GRM4: variants seen among roughly 807,000 people sequenced by gnomAD.
GRM4 encodes metabotropic glutamate receptor 4.
In GRM4, 28 loss-of-function variants were observed where a neutral mutation model predicts 81.7. That is an observed-to-expected ratio of 0.34 (90% CI 0.25 to 0.47). GRM4 has a LOEUF of 0.47. GRM4 is among the 20% of genes least tolerant of loss of function. The pLI is 1.00. For synonymous variants in GRM4, 488 were observed against 528.8 expected (o/e 0.92, Z 1.06); for missense variants, 948 against 1,290.0 (o/e 0.73, Z 4.06).
At position 34,121,480 on chromosome 6, in the gene GRM4, CGCTCCCATTAGG is replaced by C. The variant is rs1185321442; in HGVS notation, c.519+11486_519+11497del. ...GAACGTGGCAAGTGCTACCTCTGTC[CGCTCCCATTAGG>C]GCTCCCATTAGGGCCCCGCTCTACC... is the stretch of plus-strand genomic sequence containing the variant. On this transcript the variant is annotated intron_variant, in intron 2 of 10. Transcript: ENST00000538487. The surrounding 1 kb of genome is among the most constrained non-coding windows in gnomAD (Gnocchi z 4.6). 1.1e-4 allele frequency among the ~76,000 whole-genome samples: 16 copies of C among 152,322 alleles called. No individual in the cohort carries two copies. In the South Asian group the frequency reaches 1.2e-3, roughly 12 times the overall value.
chr6:34,091,018 C>G (rs1463089308), intron 3 of GRM4, among the ~76,000 whole-genome samples: 4 of 152,104 alleles, frequency 2.6e-5, no homozygotes, highest in Non-Finnish European at 5.9e-5. Context: ...GCCCCACAGC[C>G]CCCCAGGAGC....
At chr6:34,058,824 C>G in intron 5 of GRM4, 150 bp downstream of exon 5, 1 of 652,488 alleles carries the variant, frequency 1.5e-6, no homozygotes, top group East Asian at 2.8e-5. Context: ...ACTCCCAGCC[C>G]AAAACCTCAG....
upstream of GRM4, among the ~76,000 whole-genome samples, chr6:34,150,074 A>G (rs1456999382): frequency 6.6e-6 from 1 of 152,108 alleles, no homozygotes; most frequent in Non-Finnish European, 1.5e-5. Context: ...AATTCCAAAA[A>G]AGACCTGGCC....
chr6:34,122,724 C>T lies in GRM4; in HGVS notation c.519+10254G>A, dbSNP rs1009894422. 7.3e-5 allele frequency among the ~76,000 whole-genome samples: 11 copies of T among 149,966 alleles called. No individual in the cohort carries two copies. In the East Asian group the frequency reaches 1.8e-3, roughly 24 times the overall value. On this transcript the variant is annotated intron_variant, in intron 2 of 10. Transcript: ENST00000538487. ...CAAGGCCCCGGGCTGGCGGCTTCCCCGGTTTGTCTGTCTGTCTGTCTGTCT... is the reference window on the plus strand; with the variant it reads ...CAAGGCCCCGGGCTGGCGGCTTCCCTGGTTTGTCTGTCTGTCTGTCTGTCT...
chr6:34,046,083 C>A (rs1204916077), intron 6 of GRM4, among the ~76,000 whole-genome samples: 1 of 152,160 alleles, frequency 6.6e-6, no homozygotes. Flanking sequence ...TCCCCCCTCA[C>A]TTCTCCACAA....
At chr6:34,056,374 A>T in intron 6 of GRM4, 170 bp downstream of exon 6, 1 of 613,402 alleles carries the variant, frequency 1.6e-6, no homozygotes, top group Non-Finnish European at 2.8e-6. Context: ...CCGCCCCTCA[A>T]GGCCCCGCCC....
In GRM4 at chr6:34,152,361, C is replaced by T. The variant is rs1771062774; in HGVS notation, c.312+2718G>A. The stretch of plus-strand genomic sequence containing the variant: ...AGGCTGCACTGCCCTGGAAAAAGTC[C>T]CATCAAGGCAGAGGAGAAGGGGTAT... On this transcript the variant is annotated intron_variant, in intron 1 of 8. Transcript: ENST00000374177. This position sits in a 1 kb window ranked among gnomAD's most constrained non-coding sequence, Gnocchi z 4.1. Among the ~76,000 whole-genome samples, 1 of 152,198 alleles carries T rather than the reference C, an allele frequency of 6.6e-6. No homozygotes were observed. Among genetic ancestry groups the T allele is most frequent in the African/African-American group, 2.4e-5 (1 of 41,446 alleles).
chr6:34,120,549 A>G (rs939406148), intron 2 of GRM4, among the ~76,000 whole-genome samples: 5 of 152,178 alleles, frequency 3.3e-5, no homozygotes, highest in African/African-American at 1.2e-4. Context: ...ATTTCCTCGC[A>G]CTTCAGGCTT....
intron 2 of GRM4, among the ~76,000 whole-genome samples, chr6:34,124,298 G>A (rs6918977): frequency 0.56 from 85,335 of 151,964 alleles, 24,067 homozygotes; most frequent in Admixed American, 0.66. Context: ...GCCACAGGGC[G>A]GCCCCTCCAC....
chr6:34,029,564 G>A (rs1253146438), intron 9 of GRM4, among the ~76,000 whole-genome samples: 1 of 152,168 alleles, frequency 6.6e-6, no homozygotes, highest in Non-Finnish European at 1.5e-5. Flanking sequence ...CCTGCCCTGG[G>A]TTTCCTACCT....
Position 34,040,571 on chromosome 6 carries a change from T to C in GRM4, c.1346A>G (p.Tyr449Cys). The C allele has an allele frequency of 6.2e-7, 1 of 1,613,734 alleles. No individual in the cohort carries two copies. The highest frequency in any genetic ancestry group is 8.5e-7 in the Non-Finnish European group (1 of 1,179,806). The change falls in exon 7 of 11, where the codon TAC becomes TGC. Residue 449 changes from tyrosine (Y) to cysteine (C), a missense_variant. By Grantham distance (194) the Tyr-to-Cys change is radical. Transcript: ENST00000538487. The part of the protein sequence containing the change: ...DPVDGTQLLK[Y>C]IRNVNFSGIA... ...ACCTGAGAAGTTGACGTTTCGGATG[T>C]ACTTAAGCAGCTGGGTGCCATCTAC...
intron 1 of GRM4, among the ~76,000 whole-genome samples, chr6:34,135,650 C>CACCTGTATGGAGCTGT (rs577220281): frequency 0.031 from 4,754 of 152,324 alleles, 132 homozygotes; most frequent in Non-Finnish European, 0.045. Flanking sequence ...CGGGGAGCTG[C>CACCTGTATGGAGCTGT]ACCTGTATGG....
chr6:34,123,155 G>T (rs1769883670), intron 2 of GRM4, among the ~76,000 whole-genome samples: 1 of 152,214 alleles, frequency 6.6e-6, no homozygotes, highest in South Asian at 2.1e-4. Context: ...CTGGGCCACA[G>T]GTTGCTTCAC....
rs1482953696 is a variant in GRM4 at position 34,136,612 on chromosome 6, G to A, written c.-363-2753C>T. 3.9e-5 allele frequency among the ~76,000 whole-genome samples: 5 copies of A among 128,524 alleles called. No individual in the cohort carries two copies. Among genetic ancestry groups the A allele is most frequent in the African/African-American group, 1.5e-4 (5 of 33,984 alleles). 84.3% of individuals were successfully genotyped at this position (128,524 alleles called of 152,430 possible). ...CACACACACACACACACACGGGGAA[G>A]GACAGATGCCATGGGGGAAGGAGGC... On this transcript the variant is annotated intron_variant, in intron 1 of 10. Transcript: ENST00000538487. This position sits in a 1 kb window ranked among gnomAD's most constrained non-coding sequence, Gnocchi z 4.1.
rs918187136 is a variant in GRM4, at chr6:34,047,578, CTCA to C, written c.1169-6833_1169-6831del. ...GGCCCCCTCCTCTCGAATTTTCATC[CTCA>C]TCAAGTCGCCTGCCTTCCAGTCTGG... is the stretch of plus-strand genomic sequence containing the variant. On this transcript the variant is annotated intron_variant, in intron 6 of 10. Transcript: ENST00000538487. The surrounding 1 kb of genome is among the most constrained non-coding windows in gnomAD (Gnocchi z 4.5). Among the ~76,000 whole-genome samples the C allele has an allele frequency of 1.1e-4, 17 of 152,162 alleles. No homozygotes were observed. The highest frequency in any genetic ancestry group is 1.5e-5 in the Non-Finnish European group (1 of 68,024).
intron 2 of GRM4, among the ~76,000 whole-genome samples, chr6:34,124,824 C>G (rs1769958585): frequency 6.6e-6 from 1 of 152,100 alleles, no homozygotes; most frequent in South Asian, 2.1e-4. Flanking sequence ...GAAGCCAGCA[C>G]TCATGAACTT....
At chr6:34,044,493 GACATACAC>G (rs961287976) in intron 6 of GRM4, among the ~76,000 whole-genome samples, 4 of 128,390 alleles carry the variant, frequency 3.1e-5, no homozygotes, top group African/African-American at 1.2e-4. Flanking sequence ...CATATACATA[GACATACAC>G]ACATACACAC....
rs1766795122 is a variant in GRM4 at position 34,070,994 on chromosome 6, A to C, written c.737-8966T>G. Among the ~76,000 whole-genome samples, 1 of 151,868 alleles carries C rather than the reference A, an allele frequency of 6.6e-6. No homozygotes were observed. The highest frequency in any genetic ancestry group is 2.1e-4 in the South Asian group (1 of 4,822). On this transcript the variant is annotated intron_variant, in intron 3 of 10. Coordinates refer to ENST00000538487, the MANE Select transcript of GRM4 (RefSeq NM_000841.4). This position sits in a 1 kb window ranked among gnomAD's most constrained non-coding sequence, Gnocchi z 4.6. The stretch of plus-strand genomic sequence containing the variant: ...CACAGGGCCATACGCACACACTGAC[A>C]GAGTCACAGATCCCATAGTCCCACA...
intron 2 of GRM4, among the ~76,000 whole-genome samples, chr6:34,105,138 A>T (rs1279882646): frequency 6.6e-6 from 1 of 152,104 alleles, no homozygotes; most frequent in Non-Finnish European, 1.5e-5. Context: ...ATATAATGGG[A>T]TATATTACCA....
Sources: allele counts gnomAD v4.1 joint callset (sites outside exome capture counted in the v4.1 genomes callset), GRCh38; gene constraint gnomAD v4.1.1; non-coding constraint Gnocchi (gnomAD v3.1); transcripts MANE v1.5; gene names NCBI Gene and HGNC (gene_info 2026-07-23, HGNC 2026-07-21).